CACNG2: variants seen among roughly 807,000 people sequenced by gnomAD.
CACNG2 encodes the protein voltage-dependent calcium channel gamma-2 subunit.
In CACNG2, 3 loss-of-function variants were observed where a neutral mutation model predicts 25.9. That is an observed-to-expected ratio of 0.12 (90% CI 0.05 to 0.30). The LOEUF (loss-of-function observed/expected upper bound fraction) is 0.30. Ranked by LOEUF, CACNG2 falls within the 10% of genes least tolerant of loss-of-function variation. CACNG2 has a pLI of 1.00. For synonymous variants in CACNG2, 167 were observed against 173.3 expected, an observed-to-expected ratio of 0.96 and a Z score of 0.29; for missense variants, 341 against 432.5, an observed-to-expected ratio of 0.79 and a Z score of 1.88.
chr22:36,612,615 C>T (rs1441976576), intron 1 of CACNG2, among the ~76,000 whole-genome samples: 4 of 152,186 alleles, frequency 2.6e-5, no homozygotes, highest in Non-Finnish European at 5.9e-5. Context: ...TCCCACAACC[C>T]TCTCACTTGG....
intron 1 of CACNG2, among the ~76,000 whole-genome samples, chr22:36,662,610 C>T (rs1405593443): frequency 6.6e-6 from 1 of 152,186 alleles, no homozygotes; most frequent in Non-Finnish European, 1.5e-5. Context: ...AACTCAGGTG[C>T]CTCCTCCTCC....
At chr22:36,578,485 G>A (rs75114484) in intron 2 of CACNG2, among the ~76,000 whole-genome samples, 13,721 of 152,168 alleles carry the variant, frequency 0.09, 880 homozygotes, top group Non-Finnish European at 0.13. Context: ...CACTGTTCAC[G>A]GGAGGCTCAG....
Position 36,564,342 on chromosome 22 carries a change from C to CCG in CACNG2, c.*7_*8dup. On this transcript the variant is annotated 3_prime_UTR_variant, in exon 4 of 4. Transcript: ENST00000300105. The surrounding 1 kb of genome is among the most constrained non-coding windows in gnomAD (Gnocchi z 6.7). ...TCCTCCCGCGGTCTTCTGGCGAGGC[C>CCG]CGCGGTCTTTATACGGGGGTGGTCC... 1 of 1,610,804 alleles carries CCG rather than the reference C, an allele frequency of 6.2e-7. No individual in the cohort carries two copies. Among genetic ancestry groups the CCG allele is most frequent in the Non-Finnish European group, 8.5e-7 (1 of 1,178,608 alleles).
chr22:36,682,308 G>A (rs888593547), intron 1 of CACNG2, among the ~76,000 whole-genome samples: 20 of 152,136 alleles, frequency 1.3e-4, no homozygotes, highest in East Asian at 3.8e-4. Flanking sequence ...CAGCACCTCC[G>A]TTTCCTCCTC....
At chr22:36,602,543 G>A (rs529759021) in intron 1 of CACNG2, among the ~76,000 whole-genome samples, 7 of 151,942 alleles carry the variant, frequency 4.6e-5, no homozygotes, top group African/African-American at 1.7e-4. Flanking sequence ...CCGCCACCAC[G>A]CCCAGCTAAT....
chr22:36,594,538 G>A (rs181055289), intron 1 of CACNG2, among the ~76,000 whole-genome samples: 40 of 152,316 alleles, frequency 2.6e-4, no homozygotes, highest in African/African-American at 7.2e-4. Context: ...AGAGTGGAGC[G>A]TGTCTGGGGC....
At chr22:36,692,215 C>T (rs769529717) in intron 1 of CACNG2, among the ~76,000 whole-genome samples, 44 of 152,096 alleles carry the variant, frequency 2.9e-4, no homozygotes, top group Admixed American at 9.2e-4. Flanking sequence ...CTTCCTACAA[C>T]GAGGCTCCAG....
intron 1 of CACNG2, among the ~76,000 whole-genome samples, chr22:36,625,538 G>A (rs1387186141): frequency 6.6e-6 from 1 of 152,142 alleles, no homozygotes; most frequent in Admixed American, 6.5e-5. Context: ...GCGAATGAAC[G>A]ATGCTTCCAA....
At chr22:36,665,737 C>G (rs1447753877) in intron 1 of CACNG2, among the ~76,000 whole-genome samples, 1 of 152,130 alleles carries the variant, frequency 6.6e-6, no homozygotes, top group East Asian at 1.9e-4. Flanking sequence ...CAACAAAAAA[C>G]AAGAAAATAA....
intron 1 of CACNG2, among the ~76,000 whole-genome samples, chr22:36,639,897 C>T (rs1415691034): frequency 6.6e-6 from 1 of 152,182 alleles, no homozygotes; most frequent in East Asian, 1.9e-4. Context: ...CAGGAAGCCC[C>T]CATCAACACT....
In CACNG2 at chr22:36,603,267, AG is replaced by A. The variant is rs1160751006; in HGVS notation, c.212-15720del. ...GCCCTAACTCTCTTCAATTGTATGA[AG>A]GCTAAGAGAGGTGAGGAAGCTGCAG... On this transcript the variant is annotated intron_variant, in intron 1 of 3. Transcript: ENST00000300105. Among the ~76,000 whole-genome samples the A allele has an allele frequency of 3.9e-5, 6 of 152,246 alleles. No individual in the cohort carries two copies. The South Asian group carries it at 1.2e-3, about 31-fold the overall frequency.
chr22:36,655,695 C>G (rs759816691), intron 1 of CACNG2, among the ~76,000 whole-genome samples: 1 of 147,664 alleles, frequency 6.8e-6, no homozygotes, highest in Non-Finnish European at 1.5e-5. Flanking sequence ...TCCTTCCTTC[C>G]TTTCTTTCTT....
chr22:36,577,424 G>A (rs1935339044), intron 2 of CACNG2, among the ~76,000 whole-genome samples: 1 of 152,034 alleles, frequency 6.6e-6, no homozygotes, highest in South Asian at 2.1e-4. Flanking sequence ...GGCCGAGGCG[G>A]GTGGATCACG....
chr22:36,621,999 C>T (rs988808456), intron 1 of CACNG2, among the ~76,000 whole-genome samples: 6 of 152,194 alleles, frequency 3.9e-5, no homozygotes, highest in African/African-American at 9.7e-5. Context: ...CCCTATGTGC[C>T]GCTCACTCTG....
At chr22:36,639,942 A>T (rs1936418113) in intron 1 of CACNG2, among the ~76,000 whole-genome samples, 1 of 151,932 alleles carries the variant, frequency 6.6e-6, no homozygotes, top group African/African-American at 2.4e-5. Flanking sequence ...CCACAGGGAC[A>T]CTCTCCAGTG....
chr22:36,582,757 T>C (rs558127217), intron 2 of CACNG2, among the ~76,000 whole-genome samples: 1 of 151,502 alleles, frequency 6.6e-6, no homozygotes, highest in African/African-American at 2.4e-5. Flanking sequence ...CCATCCCCCG[T>C]CCCTGCTTGA....
At chr22:36,686,629 T>C (rs1008213432) in intron 1 of CACNG2, among the ~76,000 whole-genome samples, 1 of 152,262 alleles carries the variant, frequency 6.6e-6, no homozygotes, top group African/African-American at 2.4e-5. Context: ...GTGCCTTCCG[T>C]CCCACAAGCA....
intron 1 of CACNG2, among the ~76,000 whole-genome samples, chr22:36,666,526 G>A (rs1233500444): frequency 6.6e-6 from 1 of 152,080 alleles, no homozygotes; most frequent in East Asian, 1.9e-4. Context: ...AGGGGCAGGG[G>A]GGAATGAGGA....
chr22:36,610,278 G>C (rs1223511595), intron 1 of CACNG2, among the ~76,000 whole-genome samples: 1 of 149,166 alleles, frequency 6.7e-6, no homozygotes, highest in Non-Finnish European at 1.5e-5. Flanking sequence ...CTTAGAGCGT[G>C]ATTGGGCAGG....
Sources: allele counts gnomAD v4.1 joint callset (sites outside exome capture counted in the v4.1 genomes callset), GRCh38; gene constraint gnomAD v4.1.1; non-coding constraint Gnocchi (gnomAD v3.1); transcripts MANE v1.5; gene names NCBI Gene and HGNC (gene_info 2026-07-23, HGNC 2026-07-21).